The following RUNX2 variants were observed in gnomAD, a reference collection of about 807,000 sequenced individuals.
RUNX2 encodes the protein runt-related transcription factor 2.
A neutral mutation model predicts 51.7 loss-of-function variants in RUNX2; 10 were observed. The observed-to-expected ratio is 0.19, with a 90% CI of 0.12 to 0.33. The LOEUF is 0.33. Among genes scored for constraint, RUNX2 ranks in the 10% least tolerant of loss-of-function variants. The pLI, the probability that RUNX2 is intolerant of heterozygous loss-of-function variation, is 1.00. For missense variants in RUNX2, 562 were observed against 691.3 expected, an observed-to-expected ratio of 0.81 and a Z score of 2.10; for synonymous variants, 276 against 273.6, an observed-to-expected ratio of 1.01 and a Z score of -0.09.
intron 5 of RUNX2, among the ~76,000 whole-genome samples, chr6:45,459,221 A>T (rs990126606): frequency 2.6e-5 from 4 of 152,220 alleles, no homozygotes; most frequent in Non-Finnish European, 5.9e-5. Context: ...ATACATCATG[A>T]TCTTCCATTT....
intron 6 of RUNX2, among the ~76,000 whole-genome samples, chr6:45,511,757 T>C (rs1801157923): frequency 6.6e-6 from 1 of 152,190 alleles, no homozygotes; most frequent in Non-Finnish European, 1.5e-5. Flanking sequence ...CCAAAAAGCA[T>C]GTCTGAAAGA....
chr6:45,532,876 G>A (rs6458447), intron 7 of RUNX2, among the ~76,000 whole-genome samples: 71,152 of 149,732 alleles, frequency 0.48, 18,390 homozygotes, highest in African/African-American at 0.68. Context: ...TTTGTCCCAC[G>A]TCCCACAGCT....
rs1426714091 is a variant in RUNX2, at chr6:45,473,259, C to A, written c.686-18682C>A. ...GTTCCCCACACCCCCCAGCTCCACCCTCCCCCATTCCTCCCACCTGCCAAT... is the reference window on the plus strand; with the variant it reads ...GTTCCCCACACCCCCCAGCTCCACCATCCCCCATTCCTCCCACCTGCCAAT... On this transcript the variant is annotated intron_variant, in intron 5 of 8. Transcript: ENST00000647337. 2.6e-5 allele frequency among the ~76,000 whole-genome samples: 4 copies of A among 152,180 alleles called. No individual in the cohort carries two copies. The East Asian group carries it at 7.7e-4, about 29-fold the overall frequency.
intron 7 of RUNX2, among the ~76,000 whole-genome samples, chr6:45,533,980 C>T (rs1048302780): frequency 2.7e-5 from 4 of 150,848 alleles, no homozygotes; most frequent in Admixed American, 1.3e-4. Flanking sequence ...CTGCAACCTC[C>T]GCCTCCTGGG....
chr6:45,371,878 T>G, intron 2 of RUNX2: 2 of 972,370 alleles, frequency 2.1e-6, no homozygotes, highest in Non-Finnish European at 2.4e-6. Flanking sequence ...TCCAAATCCC[T>G]CATTTTTCAG....
chr6:45,374,480 G>A lies in RUNX2; in HGVS notation c.58+45696G>A, dbSNP rs77786707. Among the ~76,000 whole-genome samples the A allele has an allele frequency of 4.8e-4, 73 of 152,290 alleles. 1 individual carries two copies. The East Asian group carries it at 0.011, about 23-fold the overall frequency. ...TCACATGGTTAGGAAGCAGCAGAGC[G>A]AGAACTCAAATCAAGTGTTAGAGCC... On this transcript the variant is annotated intron_variant, in intron 2 of 8. Transcript: ENST00000647337.
At chr6:45,535,095 G>A (rs936749266) in intron 7 of RUNX2, among the ~76,000 whole-genome samples, 1 of 152,186 alleles carries the variant, frequency 6.6e-6, no homozygotes, top group Non-Finnish European at 1.5e-5. Context: ...CTATTGGACG[G>A]TGGAGGCTGG....
In RUNX2 at chr6:45,384,459, A is replaced by AT. The variant is rs1313023379; in HGVS notation, c.59-38128dup. 9.9e-5 allele frequency among the ~76,000 whole-genome samples: 15 copies of AT among 151,536 alleles called. No individual in the cohort carries two copies. In the East Asian group the frequency reaches 2.9e-3, roughly 30 times the overall value. ...ACCACCACGCCCAGCTAATTTTTGT[A>AT]TTTTTTGTAGAGACAGCATTTTGTT... On this transcript the variant is annotated intron_variant, in intron 2 of 8. Transcript: ENST00000647337.
In RUNX2 at chr6:45,345,672, C is replaced by T. The variant is rs146273695; in HGVS notation, c.58+16888C>T. On this transcript the variant is annotated intron_variant, in intron 2 of 8. Transcript: ENST00000647337. Reference sequence around the variant, plus strand: ...TCATTCCCATTCCCTCTTACATGGACTACTACAATAGGTCTTTCCACAGCC... The same window carrying T: ...TCATTCCCATTCCCTCTTACATGGATTACTACAATAGGTCTTTCCACAGCC... Among the ~76,000 whole-genome samples, 336 of 152,280 alleles carry T rather than the reference C, an allele frequency of 2.2e-3. 1 individual carries two copies. Among genetic ancestry groups the T allele is most frequent in the African/African-American group, 7.4e-3 (309 of 41,564 alleles).
chr6:45,458,619 T>C (rs577640245), intron 5 of RUNX2, among the ~76,000 whole-genome samples: 4 of 152,354 alleles, frequency 2.6e-5, no homozygotes, highest in Admixed American at 2.6e-4. Context: ...ATTTTGATTA[T>C]TTTTCCTCTC....
chr6:45,355,767 A>G (rs1793039526), intron 2 of RUNX2, among the ~76,000 whole-genome samples: 1 of 152,218 alleles, frequency 6.6e-6, no homozygotes, highest in African/African-American at 2.4e-5. Flanking sequence ...GGCAGAATAA[A>G]AAATACTATC....
chr6:45,375,658 C>T (rs1258355853), intron 2 of RUNX2, among the ~76,000 whole-genome samples: 3 of 152,256 alleles, frequency 2.0e-5, no homozygotes, highest in Non-Finnish European at 4.4e-5. Context: ...ATCCTCTGGC[C>T]TCAGCCTCCC....
intron 7 of RUNX2, among the ~76,000 whole-genome samples, chr6:45,540,231 G>A (rs1302870356): frequency 6.6e-6 from 1 of 152,198 alleles, no homozygotes. Flanking sequence ...GAATTGCTCA[G>A]ATATGCTTTT....
At chr6:45,475,698 C>T (rs886954109) in intron 5 of RUNX2, among the ~76,000 whole-genome samples, 2 of 152,186 alleles carry the variant, frequency 1.3e-5, no homozygotes, top group Admixed American at 6.5e-5. Flanking sequence ...ACGTTTTGCA[C>T]ATTCTAGATA....
chr6:45,336,473 A>G (rs913541074), intron 2 of RUNX2, among the ~76,000 whole-genome samples: 1 of 151,494 alleles, frequency 6.6e-6, no homozygotes, highest in Non-Finnish European at 1.5e-5. Context: ...ATTTTCATAA[A>G]TATTCTGGTC....
chr6:45,396,470 A>C (rs577827751), intron 2 of RUNX2, among the ~76,000 whole-genome samples: 3 of 152,286 alleles, frequency 2.0e-5, no homozygotes, highest in African/African-American at 7.2e-5. Flanking sequence ...CAGTGGCACC[A>C]TTATAGCTCA....
chr6:45,494,046 G>A (rs947416157), intron 6 of RUNX2, among the ~76,000 whole-genome samples: 1 of 152,160 alleles, frequency 6.6e-6, no homozygotes, highest in African/African-American at 2.4e-5. Context: ...AGATCATAAA[G>A]TAGATCCAGA....
intron 2 of RUNX2, among the ~76,000 whole-genome samples, chr6:45,376,893 A>T (rs1395004481): frequency 6.6e-6 from 1 of 152,206 alleles, no homozygotes; most frequent in Non-Finnish European, 1.5e-5. Flanking sequence ...ATACACACAT[A>T]TGTATATACA....
intron 2 of RUNX2, among the ~76,000 whole-genome samples, chr6:45,412,929 T>C (rs1330631714): frequency 1.3e-5 from 2 of 152,084 alleles, no homozygotes; most frequent in African/African-American, 4.8e-5. Flanking sequence ...TATTTTATTT[T>C]AGGTAGAGGC....
Sources: gnomAD v4.1 joint callset for allele counts (sites outside exome capture counted in the v4.1 genomes callset) on GRCh38, gnomAD v4.1.1 for gene constraint, MANE v1.5 for transcripts, NCBI Gene and HGNC (gene_info 2026-07-23, HGNC 2026-07-21) for gene names.